The following LDB2 variants were observed in gnomAD, a reference collection of about 807,000 sequenced individuals.
LDB2 encodes LIM domain-binding protein 2.
Under a neutral mutation model 44.3 loss-of-function variants are expected in LDB2, and 12 were observed. That is an observed-to-expected ratio of 0.27 (90% CI 0.17 to 0.44). The LOEUF (loss-of-function observed/expected upper bound fraction) is 0.44, where lower values mean the gene tolerates loss of function less well. LDB2 is among the 20% of genes least tolerant of loss of function. The pLI, the probability that LDB2 is intolerant of heterozygous loss-of-function variation, is 1.00. For synonymous variants in LDB2, 164 were observed against 174.8 expected, an observed-to-expected ratio of 0.94 and a Z score of 0.49; for missense variants, 344 against 473.5, an observed-to-expected ratio of 0.73 and a Z score of 2.54.
intron 1 of LDB2, among the ~76,000 whole-genome samples, chr4:16,891,145 A>G (rs899088816): frequency 6.6e-6 from 1 of 151,878 alleles, no homozygotes; most frequent in East Asian, 1.9e-4. Context: ...GTTTAAAACA[A>G]TAAAAACACT....
chr4:16,562,077 A>G (rs548463749), intron 5 of LDB2, among the ~76,000 whole-genome samples: 1 of 152,356 alleles, frequency 6.6e-6, no homozygotes, highest in South Asian at 2.1e-4. Flanking sequence ...TTCAAGATGG[A>G]TTAAAGACTT....
At chr4:16,800,619 G>A (rs917480267) in intron 1 of LDB2, among the ~76,000 whole-genome samples, 2 of 152,200 alleles carry the variant, frequency 1.3e-5, no homozygotes, top group Non-Finnish European at 2.9e-5. Flanking sequence ...GGGGTGATAG[G>A]GAGTCATATA....
intron 5 of LDB2, among the ~76,000 whole-genome samples, chr4:16,547,361 G>A (rs764712154): frequency 1.3e-5 from 2 of 152,138 alleles, no homozygotes; most frequent in African/African-American, 2.4e-5. Context: ...GCAAGGATAC[G>A]TTTCTGTTGA....
chr4:16,742,044 T>TTTTCTTTC (rs1307946881), intron 2 of LDB2, among the ~76,000 whole-genome samples: 1 of 151,756 alleles, frequency 6.6e-6, no homozygotes, highest in African/African-American at 2.4e-5. Flanking sequence ...TTTTTTTCTT[T>TTTTCTTTC]TTTCTTTCTT....
At chr4:16,603,957 C>A (rs1277919266) in intron 2 of LDB2, among the ~76,000 whole-genome samples, 1 of 152,180 alleles carries the variant, frequency 6.6e-6, no homozygotes, top group Non-Finnish European at 1.5e-5. Context: ...TAACCTCAAA[C>A]TCCTGGGCTC....
At chr4:16,859,172 C>G (rs1275093384) in intron 1 of LDB2, among the ~76,000 whole-genome samples, 1 of 152,180 alleles carries the variant, frequency 6.6e-6, no homozygotes, top group Non-Finnish European at 1.5e-5. Context: ...ACCAATAAGT[C>G]ATGAATGCTT....
intron 1 of LDB2, among the ~76,000 whole-genome samples, chr4:16,818,354 T>A (rs1017990794): frequency 6.6e-6 from 1 of 152,026 alleles, no homozygotes; most frequent in Non-Finnish European, 1.5e-5. Flanking sequence ...ACAGCCCCAC[T>A]CCAGGCAGAA....
At chr4:16,638,079 G>T (rs1324605965) in intron 2 of LDB2, among the ~76,000 whole-genome samples, 2 of 152,302 alleles carry the variant, frequency 1.3e-5, no homozygotes, top group East Asian at 3.9e-4. Flanking sequence ...AACATAAAAT[G>T]CTTACTAGAG....
intron 1 of LDB2, among the ~76,000 whole-genome samples, chr4:16,828,688 G>C (rs1242237950): frequency 1.3e-5 from 2 of 150,702 alleles, no homozygotes; most frequent in Admixed American, 1.3e-4. Context: ...TTCCATTTTA[G>C]AATTACAGCA....
intron 1 of LDB2, among the ~76,000 whole-genome samples, chr4:16,809,186 C>T (rs1324490332): frequency 6.6e-6 from 1 of 152,146 alleles, no homozygotes; most frequent in Non-Finnish European, 1.5e-5. Context: ...ACTCACTGTC[C>T]AGAAACAGCT....
At position 16,582,800 on chromosome 4, in the gene LDB2, G is replaced by T. The variant is rs1292903040; in HGVS notation, c.615+3122C>A. Among the ~76,000 whole-genome samples the T allele has an allele frequency of 6.6e-6, 1 of 152,022 alleles. No homozygotes were observed. The highest frequency in any genetic ancestry group is 2.4e-5 in the African/African-American group (1 of 41,378). ...ATCTCTGCAGGCTCAGCGGCTTCCA[G>T]CCACAGCTCCACTGGGACCACCAAG... On this transcript the variant is annotated intron_variant, in intron 5 of 7. Transcript: ENST00000304523. This position sits in a 1 kb window ranked among gnomAD's most constrained non-coding sequence, Gnocchi z 4.8.
At chr4:16,879,764 C>T (rs1223266783) in intron 1 of LDB2, among the ~76,000 whole-genome samples, 2 of 152,048 alleles carry the variant, frequency 1.3e-5, no homozygotes, top group Non-Finnish European at 2.9e-5. Context: ...GGATATATAC[C>T]CTATATCTGC....
intron 2 of LDB2, among the ~76,000 whole-genome samples, chr4:16,653,198 A>G (rs552915279): frequency 3.1e-4 from 47 of 152,148 alleles, no homozygotes; most frequent in Non-Finnish European, 5.1e-4. Context: ...ACTAAGTCGC[A>G]TCAGCTGCTG....
Position 16,508,209 on chromosome 4 carries a change from C to T in LDB2, c.891+326G>A, listed in dbSNP as rs1048261783. ...ATGATGGTGCTGAGAGGCCTTAATA[C>T]GCCACCAGGCATGCTGCTAAGTGAT... is the stretch of plus-strand genomic sequence containing the variant. On this transcript the variant is annotated intron_variant, in intron 7 of 7. Coordinates refer to ENST00000304523, the MANE Select transcript of LDB2 (RefSeq NM_001290.5). Among the ~76,000 whole-genome samples, 103 of 152,308 alleles carry T rather than the reference C, an allele frequency of 6.8e-4. 1 individual carries two copies. Among genetic ancestry groups the T allele is most frequent in the Middle Eastern group, 3.4e-3 (1 of 294 alleles).
intron 2 of LDB2, among the ~76,000 whole-genome samples, chr4:16,622,430 T>A (rs1312480120): frequency 6.6e-6 from 1 of 152,230 alleles, no homozygotes. Flanking sequence ...TTTAGAGTTA[T>A]GGGAAATAGC....
chr4:16,518,456 A>G (rs1435908502), intron 5 of LDB2, among the ~76,000 whole-genome samples: 1 of 150,874 alleles, frequency 6.6e-6, no homozygotes, highest in African/African-American at 2.4e-5. Context: ...TGCTAGGTCA[A>G]CGCGTTGCTC....
rs544092682 is a variant in LDB2, at chr4:16,595,447, T to C, written c.408+256A>G. On this transcript the variant is annotated intron_variant, in intron 3 of 7. Transcript: ENST00000304523. ...CTAGCAACTAAAATTTAAAAGGCAC[T>C]AGAACCTCTCTTCCTCTTAGTTTTG... 1.2e-4 allele frequency among the ~76,000 whole-genome samples: 19 copies of C among 152,234 alleles called. No homozygotes were observed. In the East Asian group the frequency reaches 3.7e-3, roughly 29 times the overall value.
chr4:16,826,949 A>C (rs1421894707), intron 1 of LDB2, among the ~76,000 whole-genome samples: 2 of 152,208 alleles, frequency 1.3e-5, no homozygotes, highest in Non-Finnish European at 2.9e-5. Flanking sequence ...ATACTAAACT[A>C]GGCTTGATTG....
chr4:16,755,861 A>T (rs928966468), intron 2 of LDB2, among the ~76,000 whole-genome samples: 2 of 152,126 alleles, frequency 1.3e-5, no homozygotes, highest in African/African-American at 2.4e-5. Context: ...TTAGGGATGC[A>T]CAGGCCAATT....
Sources: gnomAD v4.1 joint callset for allele counts (sites outside exome capture counted in the v4.1 genomes callset) on GRCh38, gnomAD v4.1.1 for gene constraint, Gnocchi (gnomAD v3.1) non-coding constraint, MANE v1.5 for transcripts, NCBI Gene and HGNC (gene_info 2026-07-23, HGNC 2026-07-21) for gene names.